Variants in RHBDD1 observed in about 807,000 individuals in gnomAD.
RHBDD1 encodes rhomboid domain containing 1.
A neutral mutation model predicts 36.3 loss-of-function variants in RHBDD1; 38 were observed. That is an observed-to-expected ratio of 1.05 (90% CI 0.81 to 1.37). The LOEUF is 1.37. Among genes scored for constraint, RHBDD1 ranks in the 40% most tolerant of loss-of-function variants. The probability of loss-of-function intolerance (pLI) is 0.00; values close to 1 mark genes in which losing one functional copy is unlikely to be tolerated. For missense variants in RHBDD1, 393 were observed against 377.6 expected, an observed-to-expected ratio of 1.04 and a Z score of -0.34; for synonymous variants, 151 against 136.5, an observed-to-expected ratio of 1.11 and a Z score of -0.74.
chr2:226,981,255 T>C (rs1205169655), intron 8 of RHBDD1, among the ~76,000 whole-genome samples: 1 of 151,984 alleles, frequency 6.6e-6, no homozygotes, highest in Non-Finnish European at 1.5e-5. Flanking sequence ...CTGGGAGAAA[T>C]ACCTAATGTA....
chr2:226,803,060 T>G, the RHBDD1 span, among the ~76,000 whole-genome samples: 3 of 152,354 alleles, frequency 2.0e-5, no homozygotes, highest in East Asian at 5.8e-4. Context: ...GTATGGGTCA[T>G]AACTGGAGGA....
At chr2:226,909,597 A>C (rs1223420443) in intron 7 of RHBDD1, among the ~76,000 whole-genome samples, 2 of 152,076 alleles carry the variant, frequency 1.3e-5, no homozygotes. Flanking sequence ...AGTTTGGGGA[A>C]AAAATTAGGT....
intron 8 of RHBDD1, among the ~76,000 whole-genome samples, chr2:226,971,458 T>C (rs1167445734): frequency 6.6e-6 from 1 of 152,190 alleles, no homozygotes; most frequent in Non-Finnish European, 1.5e-5. Context: ...CATTTCTCAT[T>C]GTTTTGTTCC....
chr2:226,843,236 C>G (rs1373565913), intron 3 of RHBDD1, among the ~76,000 whole-genome samples: 1 of 152,182 alleles, frequency 6.6e-6, no homozygotes, highest in African/African-American at 2.4e-5. Flanking sequence ...TTCACTTCCT[C>G]TCTTCCTATT....
intron 8 of RHBDD1, among the ~76,000 whole-genome samples, chr2:226,990,089 A>G (rs192678317): frequency 3.9e-5 from 6 of 152,342 alleles, no homozygotes; most frequent in Non-Finnish European, 7.4e-5. Flanking sequence ...ATTTCACACT[A>G]TTTATAAAGA....
chr2:226,966,996 A>T (rs1291949417), intron 8 of RHBDD1, among the ~76,000 whole-genome samples: 1 of 152,106 alleles, frequency 6.6e-6, no homozygotes, highest in African/African-American at 2.4e-5. Flanking sequence ...TTTGAGAACC[A>T]TTGCTGGGTC....
chr2:226,842,894 C>G lies in RHBDD1; in HGVS notation c.-91+3267C>G, dbSNP rs961657338. 7.2e-5 allele frequency among the ~76,000 whole-genome samples: 11 copies of G among 152,296 alleles called. 1 individual carries two copies. The highest frequency in any genetic ancestry group is 2.6e-4 in the African/African-American group (11 of 41,568). ...TATGGCCGTTTTCATGATATTGATT[C>G]TCTCTGTTCATGAGCATGGAATGTT... is the stretch of plus-strand genomic sequence containing the variant. On this transcript the variant is annotated intron_variant, in intron 3 of 8. Transcript: ENST00000392062.
chr2:226,820,644 C>CAAAAAAAAAAAAAAAAAAAAAAAA, the RHBDD1 span, among the ~76,000 whole-genome samples: 1 of 63,516 alleles, frequency 1.6e-5, no homozygotes, highest in Non-Finnish European at 3.9e-5. Flanking sequence ...TCCATCTCCA[C>CAAAAAAAAAAAAAAAAAAAAAAAA]AAAAAAAAAA....
At chr2:226,988,468 G>T (rs1957483335) in intron 8 of RHBDD1, 10 of 1,547,154 alleles carry the variant, frequency 6.5e-6, no homozygotes, top group Non-Finnish European at 7.9e-6. Flanking sequence ...GAGGCTGCAG[G>T]GTCCCTGTAG....
Position 226,908,817 on chromosome 2 carries a change from T to C in RHBDD1, c.656-5T>C. The C allele has an allele frequency of 6.3e-7, 1 of 1,599,234 alleles. No individual in the cohort carries two copies. On this transcript the variant is annotated splice_region_variant and splice_polypyrimidine_tract_variant and intron_variant, in intron 6 of 8. Transcript: ENST00000392062. ...CATTAAAATGTTTATTTCTTTTACG[T>C]TTAGGCGGTTTTTCCTCCAGTGTTG...
intron 8 of RHBDD1, among the ~76,000 whole-genome samples, chr2:226,937,269 G>A (rs190187451): frequency 1.3e-5 from 2 of 151,910 alleles, no homozygotes; most frequent in Admixed American, 1.3e-4. Flanking sequence ...AAAACTTGAG[G>A]GTGTGAACAA....
At chr2:226,863,168 T>C (rs978607263) in intron 3 of RHBDD1, among the ~76,000 whole-genome samples, 2 of 151,970 alleles carry the variant, frequency 1.3e-5, no homozygotes, top group African/African-American at 4.8e-5. Context: ...ACCAACACGG[T>C]GACACCTAGT....
the RHBDD1 span, among the ~76,000 whole-genome samples, chr2:226,817,847 C>G: frequency 2.6e-5 from 4 of 152,322 alleles, no homozygotes; most frequent in Non-Finnish European, 4.4e-5. Flanking sequence ...ATCCAGCATG[C>G]ACCTTTTTAA....
the RHBDD1 span, among the ~76,000 whole-genome samples, chr2:226,802,078 A>G: frequency 2.0e-5 from 3 of 151,090 alleles, no homozygotes; most frequent in East Asian, 5.9e-4. Context: ...GGGGAAAAAT[A>G]CTCTTTTCTG....
At chr2:226,969,516 A>C (rs1953040525) in intron 8 of RHBDD1, among the ~76,000 whole-genome samples, 1 of 151,860 alleles carries the variant, frequency 6.6e-6, no homozygotes, top group Non-Finnish European at 1.5e-5. Flanking sequence ...AAAGGGAGTT[A>C]AACTACATCC....
chr2:226,997,152 C>G lies in RHBDD1; in HGVS notation c.*1630C>G, dbSNP rs1222345853. The G allele has an allele frequency of 6.6e-6, 1 of 152,108 alleles. No homozygotes were observed. Among genetic ancestry groups the G allele is most frequent in the Admixed American group, 6.5e-5 (1 of 15,278 alleles). 9.4% of individuals were successfully genotyped at this position (152,108 alleles called of 1,614,324 possible). A position where few individuals can be genotyped will look rare whatever the true frequency, so the allele number is the denominator to read the frequency against. On this transcript the variant is annotated 3_prime_UTR_variant, in exon 9 of 9. Coordinates refer to ENST00000392062, the MANE Select transcript of RHBDD1 (RefSeq NM_001167608.3). ...GGAGCTCTTTGGCCTCCTGGCTGGC[C>G]CAGTAATATCTGAGCTCCTTTGGTT...
chr2:226,890,645 C>T (rs1248222774), intron 5 of RHBDD1, among the ~76,000 whole-genome samples: 1 of 152,130 alleles, frequency 6.6e-6, no homozygotes, highest in East Asian at 1.9e-4. Context: ...TTTAAAGAAA[C>T]CCAGTTCTTT....
At chr2:226,907,672 CATG>C (rs1269007699) in intron 6 of RHBDD1, among the ~76,000 whole-genome samples, 1 of 152,108 alleles carries the variant, frequency 6.6e-6, no homozygotes, top group Non-Finnish European at 1.5e-5. Flanking sequence ...ATATAATATT[CATG>C]ATAGTAGAAA....
chr2:226,867,647 C>T, intron 5 of RHBDD1: 2 of 984,838 alleles, frequency 2.0e-6, no homozygotes, highest in Non-Finnish European at 1.2e-6. Context: ...TCCAAAGAAG[C>T]ACATAGAAAC....
Sources: allele counts gnomAD v4.1 joint callset (sites outside exome capture counted in the v4.1 genomes callset), GRCh38; gene constraint gnomAD v4.1.1; transcripts MANE v1.5; gene names NCBI Gene and HGNC (gene_info 2026-07-23, HGNC 2026-07-21).